The following PRSS3 variants were observed in gnomAD, a reference collection of about 807,000 sequenced individuals.
PRSS3 encodes the protein trypsin-3.
Under a neutral mutation model 20.8 loss-of-function variants are expected in PRSS3, and 14 were observed. The observed-to-expected ratio is 0.67, with a 90% CI of 0.44 to 1.05. The LOEUF is 1.05. Ranked by LOEUF, PRSS3 falls within the 50% of genes least tolerant of loss-of-function variation. The pLI is 0.00. For synonymous variants in PRSS3, 91 were observed against 117.6 expected (o/e 0.77, Z 1.46); for missense variants, 237 against 306.4 (o/e 0.77, Z 1.69).
intron 1 of PRSS3, among the ~76,000 whole-genome samples, chr9:33,751,336 G>C (rs855553): frequency 0.43 from 65,272 of 151,970 alleles, 15,382 homozygotes; most frequent in African/African-American, 0.64. Flanking sequence ...AAAGTCCCCC[G>C]ATCCAGTGCT....
At chr9:33,769,765 G>T (rs1823600581) in intron 1 of PRSS3, among the ~76,000 whole-genome samples, 1 of 152,224 alleles carries the variant, frequency 6.6e-6, no homozygotes, top group South Asian at 2.1e-4. Context: ...GGACCAAGGG[G>T]TGGGGCCACC....
At position 33,784,357 on chromosome 9, in the gene PRSS3, G is replaced by T. The variant is rs1306910811; in HGVS notation, c.-52-10389G>T. Among the ~76,000 whole-genome samples the T allele has an allele frequency of 2.0e-5, 3 of 152,274 alleles. No homozygotes were observed. The East Asian group carries it at 5.8e-4, about 29-fold the overall frequency. On this transcript the variant is annotated intron_variant, in intron 1 of 5. Transcript: ENST00000342836. ...GGGAGTTTGATACATTTGACTAAAA[G>T]ATTTAAAAATATACCTACATGTCAA...
At chr9:33,771,947 C>A (rs1823731956) in intron 1 of PRSS3, among the ~76,000 whole-genome samples, 1 of 149,388 alleles carries the variant, frequency 6.7e-6, no homozygotes, top group Non-Finnish European at 1.5e-5. Context: ...TCTCAGCTCA[C>A]TGTAACCTCT....
intron 1 of PRSS3, among the ~76,000 whole-genome samples, chr9:33,755,239 CTT>C (rs1257339719): frequency 6.6e-6 from 1 of 152,170 alleles, no homozygotes; most frequent in Non-Finnish European, 1.5e-5. Flanking sequence ...CCTCACTCCT[CTT>C]GAGGATATTA....
At chr9:33,793,189 CAG>C (rs1201313778), upstream of PRSS3, among the ~76,000 whole-genome samples, 1 of 150,316 alleles carries the variant, frequency 6.7e-6, no homozygotes, top group South Asian at 2.1e-4. Flanking sequence ...TCCTTTCAGA[CAG>C]AGTCAGAGCC....
chr9:33,756,380 GT>G (rs1563955479), intron 1 of PRSS3, among the ~76,000 whole-genome samples: 1 of 152,056 alleles, frequency 6.6e-6, no homozygotes. Context: ...TTGGGGTGGG[GT>G]TTTTTGGCAG....
At position 33,757,511 on chromosome 9, in the gene PRSS3, C is replaced by T. The variant is rs182541842; in HGVS notation, c.-53+6784C>T. Among the ~76,000 whole-genome samples the T allele has an allele frequency of 3.0e-4, 45 of 149,938 alleles. 1 individual carries two copies. The highest frequency in any genetic ancestry group is 1.0e-3 in the African/African-American group (42 of 40,652). On this transcript the variant is annotated intron_variant, in intron 1 of 5. Transcript: ENST00000342836. ...TTTTCCCTGGGAAAGGTTTAGATCA[C>T]GTGAAGGGAACAGATACTACGTTTG...
At chr9:33,764,127 C>T (rs1387713075) in intron 1 of PRSS3, among the ~76,000 whole-genome samples, 3 of 152,142 alleles carry the variant, frequency 2.0e-5, no homozygotes, top group Non-Finnish European at 2.9e-5. Context: ...GATGCCAAGA[C>T]AATTCAATAG....
At chr9:33,786,023 G>T (rs1207189520) in intron 1 of PRSS3, 1 of 245,166 alleles carries the variant, frequency 4.1e-6, no homozygotes, top group Non-Finnish European at 7.7e-6. Flanking sequence ...TGCAAGGCTT[G>T]TGCATGAAGA....
At position 33,799,025 on chromosome 9, in the gene PRSS3, C is replaced by T; in HGVS notation, c.592-3C>T. 1 of 1,614,090 alleles carries T rather than the reference C, an allele frequency of 6.2e-7. No individual in the cohort carries two copies. Among genetic ancestry groups the T allele is most frequent in the Non-Finnish European group, 8.5e-7 (1 of 1,179,894 alleles). On this transcript the variant is annotated splice_region_variant and splice_polypyrimidine_tract_variant and intron_variant, in intron 4 of 4. Coordinates refer to ENST00000379405, the MANE Select transcript of PRSS3 (RefSeq NM_002771.4). ...TATACAACTTGTCCCTTCTTCTCCC[C>T]AGCGTGACTCTGGTGGCCCTGTGGT...
At position 33,750,847 on chromosome 9, in the gene PRSS3, G is replaced by T; in HGVS notation, c.-53+120G>T. 7 of 1,381,110 alleles carry T rather than the reference G, an allele frequency of 5.1e-6. No individual in the cohort carries two copies. The highest frequency in any genetic ancestry group is 6.5e-6 in the Non-Finnish European group (7 of 1,074,248). 85.6% of individuals were successfully genotyped at this position (1,381,110 alleles called of 1,614,324 possible). A position where few individuals can be genotyped will look rare whatever the true frequency, so the allele number is the denominator to read the frequency against. ...GTTCCGACTCGCATGGGACCTGCGG[G>T]GGAGGGTACGCGGACAGGGAGGGGA... is the stretch of plus-strand genomic sequence containing the variant. On this transcript the variant is annotated intron_variant, in intron 1 of 5. Transcript: ENST00000342836. The surrounding 1 kb of genome is among the most constrained non-coding windows in gnomAD (Gnocchi z 4.8).
intron 1 of PRSS3, among the ~76,000 whole-genome samples, chr9:33,781,994 T>C (rs778717828): frequency 2.9e-4 from 44 of 152,222 alleles, no homozygotes; most frequent in Admixed American, 9.2e-4. Context: ...GGTCACGCCC[T>C]TGTGCATATT....
At chr9:33,764,585 C>A (rs1823341644) in intron 1 of PRSS3, among the ~76,000 whole-genome samples, 1 of 152,108 alleles carries the variant, frequency 6.6e-6, no homozygotes, top group Non-Finnish European at 1.5e-5. Flanking sequence ...AACTACAATT[C>A]TTAGAAGAAA....
chr9:33,751,223 T>A (rs1388699908), intron 1 of PRSS3, among the ~76,000 whole-genome samples: 3 of 152,182 alleles, frequency 2.0e-5, no homozygotes, highest in Non-Finnish European at 2.9e-5. Flanking sequence ...TGGGCACTGG[T>A]ACCCCGACTG....
intron 1 of PRSS3, among the ~76,000 whole-genome samples, chr9:33,772,743 T>C (rs1206567555): frequency 1.3e-5 from 2 of 152,118 alleles, no homozygotes; most frequent in East Asian, 1.9e-4. Flanking sequence ...GGTTGGAACT[T>C]GAGTAGAGGC....
chr9:33,793,609 A>G, upstream of PRSS3: 1 of 825,168 alleles, frequency 1.2e-6, no homozygotes. Context: ...AATCAGATGC[A>G]CAGTTTGTCC....
chr9:33,763,972 T>C (rs375524017), intron 1 of PRSS3, among the ~76,000 whole-genome samples: 21 of 152,324 alleles, frequency 1.4e-4, no homozygotes, highest in African/African-American at 4.8e-4. Flanking sequence ...ATGAGTGTTG[T>C]CTGTATACTC....
At chr9:33,781,550 C>T (rs961173538) in intron 1 of PRSS3, among the ~76,000 whole-genome samples, 1 of 152,132 alleles carries the variant, frequency 6.6e-6, no homozygotes, top group Non-Finnish European at 1.5e-5. Context: ...GGGAGGTTGA[C>T]ATGGGTTGAA....
chr9:33,754,164 C>CG (rs1822832516), intron 1 of PRSS3, among the ~76,000 whole-genome samples: 1 of 152,044 alleles, frequency 6.6e-6, no homozygotes, highest in Non-Finnish European at 1.5e-5. Flanking sequence ...CTCCGCTTCC[C>CG]AGGGTTCAAG....
Sources: gnomAD v4.1 joint callset for allele counts (sites outside exome capture counted in the v4.1 genomes callset) on GRCh38, gnomAD v4.1.1 for gene constraint, Gnocchi (gnomAD v3.1) non-coding constraint, MANE v1.5 for transcripts, NCBI Gene and HGNC (gene_info 2026-07-23, HGNC 2026-07-21) for gene names.